The following KAZN variants were observed in gnomAD, a reference collection of about 807,000 sequenced individuals.
The protein encoded by KAZN is kazrin.
Under a neutral mutation model 87.4 loss-of-function variants are expected in KAZN, and 40 were observed. The ratio of observed to expected loss-of-function variants is 0.46; its 90% CI spans 0.36 to 0.60. The LOEUF (loss-of-function observed/expected upper bound fraction) is 0.60, where lower values mean the gene tolerates loss of function less well. Ranked by LOEUF, KAZN falls within the 20% of genes least tolerant of loss-of-function variation. KAZN has a pLI of 0.00. For missense variants in KAZN, 898 were observed against 1,073.9 expected (o/e 0.84, Z 2.29); for synonymous variants, 466 against 458.3 (o/e 1.02, Z -0.22).
intron 1 of KAZN, among the ~76,000 whole-genome samples, chr1:13,978,026 G>A (rs1350592140): frequency 6.6e-6 from 1 of 150,818 alleles, no homozygotes; most frequent in African/African-American, 2.4e-5. Context: ...TGCTGGGGAG[G>A]CTGAGACAGC....
chr1:13,910,701 T>C, intron 1 of KAZN, among the ~76,000 whole-genome samples: 1 of 152,194 alleles, frequency 6.6e-6, no homozygotes, highest in East Asian at 1.9e-4. Context: ...CTTTATAAAT[T>C]ACCCATTCCC....
At chr1:13,962,835 G>A (rs948000198) in intron 1 of KAZN, among the ~76,000 whole-genome samples, 1 of 152,218 alleles carries the variant, frequency 6.6e-6, no homozygotes, top group African/African-American at 2.4e-5. Flanking sequence ...TGGGATTACA[G>A]GCATGAGCCA....
At chr1:14,582,088 G>A (rs1354711215) in intron 2 of KAZN, among the ~76,000 whole-genome samples, 1 of 151,788 alleles carries the variant, frequency 6.6e-6, no homozygotes, top group Non-Finnish European at 1.5e-5. Flanking sequence ...CATCTGACAT[G>A]TATTAGGTGT....
At chr1:14,594,483 G>A (rs1195436753), upstream of KAZN, among the ~76,000 whole-genome samples, 1 of 152,208 alleles carries the variant, frequency 6.6e-6, no homozygotes, top group Non-Finnish European at 1.5e-5. Context: ...CCGAGGCCTG[G>A]ACCTTGGATG....
chr1:14,481,616 A>G (rs1230123919), intron 2 of KAZN, among the ~76,000 whole-genome samples: 1 of 152,046 alleles, frequency 6.6e-6, no homozygotes, highest in Admixed American at 6.6e-5. Flanking sequence ...CTCACATAGC[A>G]GGGCACTTCG....
At chr1:14,794,620 A>G (rs1572499514) in intron 1 of KAZN, among the ~76,000 whole-genome samples, 1 of 152,308 alleles carries the variant, frequency 6.6e-6, no homozygotes, top group East Asian at 1.9e-4. Flanking sequence ...CCCTGATGGC[A>G]GAGTCATGGG....
At chr1:14,787,545 C>T (rs1384098646) in intron 1 of KAZN, among the ~76,000 whole-genome samples, 3 of 152,226 alleles carry the variant, frequency 2.0e-5, no homozygotes, top group South Asian at 2.1e-4. Context: ...TGAACAAATG[C>T]ATGTCAAGTG....
intron 1 of KAZN, among the ~76,000 whole-genome samples, chr1:13,987,718 C>T (rs1171362997): frequency 6.6e-6 from 1 of 151,926 alleles, no homozygotes; most frequent in Non-Finnish European, 1.5e-5. Context: ...AATAATGAAC[C>T]CACTACTGTG....
At chr1:14,556,678 A>T (rs1673902279) in intron 2 of KAZN, among the ~76,000 whole-genome samples, 1 of 152,108 alleles carries the variant, frequency 6.6e-6, no homozygotes, top group Non-Finnish European at 1.5e-5. Context: ...TTCATGCAAG[A>T]ATTCCCACCT....
At chr1:14,320,210 A>C (rs1025817286) in intron 2 of KAZN, among the ~76,000 whole-genome samples, 9 of 152,174 alleles carry the variant, frequency 5.9e-5, no homozygotes, top group African/African-American at 2.2e-4. Flanking sequence ...ATGAGGAGGC[A>C]GGGAAGCGCA....
In KAZN at chr1:14,544,166, G is replaced by C. The variant is rs1222336450; in HGVS notation, c.250-54817G>C. The stretch of plus-strand genomic sequence containing the variant: ...TCTCATTATAAAAAGAATCACTTGG[G>C]TAAATTAATACCCAAATCTTCCTTT... On this transcript the variant is annotated intron_variant, in intron 2 of 16. Transcript: ENST00000636203. Among the ~76,000 whole-genome samples the C allele has an allele frequency of 2.6e-5, 4 of 151,878 alleles. No individual in the cohort carries two copies. In the East Asian group the frequency reaches 7.7e-4, roughly 29 times the overall value.
At chr1:15,000,757 G>A (rs999893392) in intron 2 of KAZN, among the ~76,000 whole-genome samples, 1 of 151,936 alleles carries the variant, frequency 6.6e-6, no homozygotes, top group African/African-American at 2.4e-5. Flanking sequence ...AAGAGGGGGT[G>A]TGCCTGGCAC....
At chr1:14,863,389 G>T (rs1572676972) in intron 1 of KAZN, among the ~76,000 whole-genome samples, 1 of 152,272 alleles carries the variant, frequency 6.6e-6, no homozygotes, top group East Asian at 1.9e-4. Flanking sequence ...CTGTGTTGGG[G>T]GATGAATGTG....
chr1:14,969,464 G>T (rs1664791488), intron 2 of KAZN, among the ~76,000 whole-genome samples: 1 of 152,246 alleles, frequency 6.6e-6, no homozygotes, highest in African/African-American at 2.4e-5. Context: ...CCCTGAGCCA[G>T]CCCCTCGGTC....
intron 1 of KAZN, among the ~76,000 whole-genome samples, chr1:14,838,498 CT>C (rs1376702700): frequency 6.6e-6 from 1 of 152,178 alleles, no homozygotes; most frequent in Non-Finnish European, 1.5e-5. Flanking sequence ...AATCTTCCCT[CT>C]TGCTAACTTT....
intron 2 of KAZN, among the ~76,000 whole-genome samples, chr1:14,363,999 A>G (rs1487153118): frequency 6.7e-6 from 1 of 148,502 alleles, no homozygotes; most frequent in Non-Finnish European, 1.5e-5. Context: ...TGGAAGAGAG[A>G]GATATAGCAG....
At chr1:14,648,735 T>TGGGA (rs1332263874) in intron 1 of KAZN, among the ~76,000 whole-genome samples, 2 of 152,184 alleles carry the variant, frequency 1.3e-5, no homozygotes. Flanking sequence ...AGTTAGAGAT[T>TGGGA]GGGAGTCCCT....
intron 2 of KAZN, among the ~76,000 whole-genome samples, chr1:14,458,515 G>T (rs1259162244): frequency 6.6e-6 from 1 of 152,062 alleles, no homozygotes; most frequent in Non-Finnish European, 1.5e-5. Context: ...TTCTCGTCTT[G>T]TTCTTGTCTT....
chr1:14,636,713 G>A (rs933074829), intron 1 of KAZN, among the ~76,000 whole-genome samples: 1 of 152,200 alleles, frequency 6.6e-6, no homozygotes, highest in Non-Finnish European at 1.5e-5. Context: ...GCAAGGAGGC[G>A]AGTTCTTTCC....
Sources: allele counts gnomAD v4.1 joint callset (sites outside exome capture counted in the v4.1 genomes callset), GRCh38; gene constraint gnomAD v4.1.1; transcripts MANE v1.5; gene names NCBI Gene and HGNC (gene_info 2026-07-23, HGNC 2026-07-21).